The following GABRA2 variants were observed in gnomAD, a reference collection of about 807,000 sequenced individuals.
The protein encoded by GABRA2 is gamma-aminobutyric acid type A receptor subunit alpha2, also known as gamma-aminobutyric acid receptor subunit alpha-2.
Under a neutral mutation model 48.7 loss-of-function variants are expected in GABRA2, and 16 were observed. The observed-to-expected ratio is 0.33, with a 90% CI of 0.22 to 0.50. The LOEUF (loss-of-function observed/expected upper bound fraction) is 0.50. GABRA2 is among the 20% of genes least tolerant of loss of function. GABRA2 has a pLI of 0.98. For missense variants in GABRA2, 275 were observed against 535.6 expected (o/e 0.51, Z 4.80); for synonymous variants, 185 against 184.5 (o/e 1.00, Z -0.02).
At position 46,256,147 on chromosome 4, in the gene GABRA2, A is replaced by G. The variant is rs893661050; in HGVS notation, c.1060-5543T>C. On this transcript the variant is annotated intron_variant, in intron 9 of 9. Transcript: ENST00000381620. ...ACGTGCTCATTGGTCAGATAATGCT[A>G]TTGTTAACTGTCTACTAATCATCCT... 1.9e-5 allele frequency: 10 copies of G among 521,618 alleles called. No homozygotes were observed. In the East Asian group the frequency reaches 2.8e-4, roughly 15 times the overall value. The allele number at this position is 521,618 out of a possible 1,614,324, so 32.3% of individuals were successfully genotyped here.
Position 46,390,105 on chromosome 4 carries a change from G to T in GABRA2, c.-381C>A. 1 of 975,060 alleles carries T rather than the reference G, an allele frequency of 1.0e-6. No individual in the cohort carries two copies. The highest frequency in any genetic ancestry group is 1.2e-6 in the Non-Finnish European group (1 of 820,766). 60.4% of individuals were successfully genotyped at this position (975,060 alleles called of 1,614,324 possible). A position where few individuals can be genotyped will look rare whatever the true frequency, so the allele number is the denominator to read the frequency against. ...GGCGGAGGCGCGGTGCGCGCCGGCG[G>T]TGGCGGGCACGAGCCCCGCGCCTGG... On this transcript the variant is annotated 5_prime_UTR_variant, in exon 1 of 10. Transcript: ENST00000381620.
At chr4:46,302,984 G>A (rs887901490) in intron 8 of GABRA2, among the ~76,000 whole-genome samples, 1 of 152,034 alleles carries the variant, frequency 6.6e-6, no homozygotes, top group Non-Finnish European at 1.5e-5. Flanking sequence ...GCTGACTTTT[G>A]TAATGGTGAC....
chr4:46,271,414 A>G (rs1267707471), intron 8 of GABRA2, among the ~76,000 whole-genome samples: 2 of 152,016 alleles, frequency 1.3e-5, no homozygotes, highest in African/African-American at 4.8e-5. Flanking sequence ...GTGCACTCTC[A>G]GGTGCAAGAA....
Position 46,272,205 on chromosome 4 carries a change from T to C in GABRA2, c.857-10077A>G, listed in dbSNP as rs1043729156. On this transcript the variant is annotated intron_variant, in intron 8 of 9. Coordinates refer to ENST00000381620, the MANE Select transcript of GABRA2 (RefSeq NM_000807.4). Reference sequence around the variant, plus strand: ...TCTGATGCACATCTTTGATATATTGTCTTTTTCAATTTTTTGTTATTTGGC... The same window carrying C: ...TCTGATGCACATCTTTGATATATTGCCTTTTTCAATTTTTTGTTATTTGGC... Among the ~76,000 whole-genome samples the C allele has an allele frequency of 6.6e-5, 10 of 151,926 alleles. No homozygotes were observed. In the South Asian group the frequency reaches 2.1e-3, roughly 32 times the overall value.
At chr4:46,301,349 C>T (rs1285008030) in intron 8 of GABRA2, among the ~76,000 whole-genome samples, 2 of 152,126 alleles carry the variant, frequency 1.3e-5, no homozygotes, top group South Asian at 4.1e-4. Flanking sequence ...CAATTATATA[C>T]CATGTATTAA....
chr4:46,330,089 A>C (rs2109799189), intron 4 of GABRA2, among the ~76,000 whole-genome samples: 1 of 152,244 alleles, frequency 6.6e-6, no homozygotes, highest in Non-Finnish European at 1.5e-5. Flanking sequence ...AGAAAACTAA[A>C]AAATCAAAGT....
At chr4:46,265,060 C>T (rs1717850173) in intron 8 of GABRA2, among the ~76,000 whole-genome samples, 1 of 144,142 alleles carries the variant, frequency 6.9e-6, no homozygotes. Context: ...GAGAGTCAGT[C>T]TTGCTTGACA....
chr4:46,339,272 A>AT (rs1361399645), intron 3 of GABRA2, among the ~76,000 whole-genome samples: 1 of 151,888 alleles, frequency 6.6e-6, no homozygotes, highest in African/African-American at 2.4e-5. Flanking sequence ...CACTGGTCAT[A>AT]TTTTATCCAT....
intron 3 of GABRA2, among the ~76,000 whole-genome samples, chr4:46,376,071 A>G (rs1715654342): frequency 6.6e-6 from 1 of 152,230 alleles, no homozygotes; most frequent in South Asian, 2.1e-4. Context: ...GAGGGACCTC[A>G]TCTCCAGGAA....
Position 46,344,101 on chromosome 4 carries a change from T to G in GABRA2, c.188-11419A>C, listed in dbSNP as rs190543873. Among the ~76,000 whole-genome samples, 18 of 152,044 alleles carry G rather than the reference T, an allele frequency of 1.2e-4. No homozygotes were observed. In the East Asian group the frequency reaches 3.5e-3, roughly 29 times the overall value. On this transcript the variant is annotated intron_variant, in intron 3 of 9. Coordinates refer to ENST00000381620, the MANE Select transcript of GABRA2 (RefSeq NM_000807.4). ...AAAAGTAGATGAATATACCTAATAT[T>G]GGAATACACACCAAGAAATAAAAAA...
chr4:46,388,003 G>C (rs1311697545), intron 2 of GABRA2, among the ~76,000 whole-genome samples: 1 of 152,034 alleles, frequency 6.6e-6, no homozygotes, highest in East Asian at 1.9e-4. Flanking sequence ...TGTTTTTATA[G>C]CATAGGCAAA....
chr4:46,289,967 G>A (rs113273139), intron 8 of GABRA2, among the ~76,000 whole-genome samples: 2,286 of 147,652 alleles, frequency 0.015, 64 homozygotes, highest in African/African-American at 0.054. Context: ...GCTGGAGTGC[G>A]GTGGCGCGAT....
chr4:46,313,658 A>G (rs1728065365), intron 4 of GABRA2, among the ~76,000 whole-genome samples: 1 of 151,976 alleles, frequency 6.6e-6, no homozygotes, highest in African/African-American at 2.4e-5. Flanking sequence ...GAGATATACA[A>G]TGCACAATTG....
chr4:46,268,580 G>A (rs1367357102), intron 8 of GABRA2, among the ~76,000 whole-genome samples: 2 of 151,846 alleles, frequency 1.3e-5, no homozygotes, highest in Non-Finnish European at 2.9e-5. Flanking sequence ...ATTCTTGGTT[G>A]GAATGTGAAT....
chr4:46,366,230 T>G (rs921454173), intron 3 of GABRA2: 10 of 152,096 alleles, frequency 6.6e-5, no homozygotes, highest in Non-Finnish European at 1.5e-4. Flanking sequence ...TGCTAAACAC[T>G]GCACTGTCCT....
intron 3 of GABRA2, chr4:46,366,480 C>G (rs1292998223): frequency 1.3e-5 from 2 of 152,018 alleles, no homozygotes; most frequent in African/African-American, 2.4e-5. Flanking sequence ...TTTGAGGGTG[C>G]TTAATTCCTG....
chr4:46,279,530 T>C (rs1414260746), intron 8 of GABRA2, among the ~76,000 whole-genome samples: 1 of 152,134 alleles, frequency 6.6e-6, no homozygotes, highest in Admixed American at 6.5e-5. Context: ...GCATCACAAC[T>C]GTGTTCTTCC....
intron 8 of GABRA2, among the ~76,000 whole-genome samples, chr4:46,300,281 C>T (rs942952258): frequency 6.6e-6 from 1 of 151,408 alleles, no homozygotes; most frequent in Non-Finnish European, 1.5e-5. Context: ...CATTTGATAT[C>T]ATATATTCAG....
chr4:46,369,491 T>C (rs1363909049), intron 3 of GABRA2, among the ~76,000 whole-genome samples: 1 of 152,130 alleles, frequency 6.6e-6, no homozygotes, highest in African/African-American at 2.4e-5. Context: ...GATGGATATT[T>C]AGTTCTTGCA....
Sources: gnomAD v4.1 joint callset for allele counts (sites outside exome capture counted in the v4.1 genomes callset) on GRCh38, gnomAD v4.1.1 for gene constraint, MANE v1.5 for transcripts, NCBI Gene and HGNC (gene_info 2026-07-23, HGNC 2026-07-21) for gene names.